Variants in POLR2G observed in about 807,000 individuals in gnomAD.
POLR2G encodes RNA polymerase II subunit G, also known as DNA-directed RNA polymerase II subunit RPB7.
POLR2G carries 19 observed loss-of-function variants against 25.7 expected under a neutral mutation model. The ratio of observed to expected loss-of-function variants is 0.74; its 90% confidence interval spans 0.52 to 1.08. The LOEUF (loss-of-function observed/expected upper bound fraction) is 1.08. Ranked by LOEUF, POLR2G falls within the 50% of genes least tolerant of loss-of-function variation. The pLI is 0.00. For missense variants in POLR2G, 123 were observed against 218.5 expected (o/e 0.56, Z 2.76); for synonymous variants, 79 against 76.0 (o/e 1.04, Z -0.21).
chr11:62,766,333 T>C, intron 7 of POLR2G, 57 bp downstream of exon 7: 1 of 1,552,096 alleles, frequency 6.4e-7, no homozygotes, highest in South Asian at 1.1e-5. Context: ...TGTGTGGGGG[T>C]GGGGAGTAAT....
At chr11:62,766,041 C>T (rs1329979859) in intron 6 of POLR2G, among the ~76,000 whole-genome samples, 1 of 152,166 alleles carries the variant, frequency 6.6e-6, no homozygotes, top group Non-Finnish European at 1.5e-5. Flanking sequence ...CCCGACTCGG[C>T]CTCCCAAAGT....
intron 3 of POLR2G, 81 bp from the exon 4 acceptor site, chr11:62,765,101 C>A (rs1296758231): frequency 8.3e-7 from 1 of 1,201,098 alleles, no homozygotes; most frequent in East Asian, 2.4e-5. Context: ...TCGTGATCCA[C>A]CGGCCTCGGC....
chr11:62,766,688 G>T lies in POLR2G; in HGVS notation c.*181G>T. The T allele has an allele frequency of 1.7e-6, 1 of 581,792 alleles. No homozygotes were observed. The highest frequency in any genetic ancestry group is 2.9e-5 in the East Asian group (1 of 34,196). The allele number at this position is 581,792 out of a possible 1,614,324, so 36.0% of individuals were successfully genotyped here. ...CCTCATTTTTCAGTATGTGTTCTAA[G>T]TATAAAAAGTCCTTGGTTCTCATGG... On this transcript the variant is annotated 3_prime_UTR_variant, in exon 8 of 8. Transcript: ENST00000301788.
intron 3 of POLR2G, among the ~76,000 whole-genome samples, chr11:62,763,771 T>C (rs1590928282): frequency 7.1e-6 from 1 of 140,836 alleles, no homozygotes; most frequent in South Asian, 2.3e-4. Context: ...TGAGACGGAG[T>C]CTAGCTCTGT....
rs570529425 is a variant in POLR2G at position 62,765,377 on chromosome 11, A to G, written c.371A>G (p.Asn124Ser). 30 of 1,613,136 alleles carry G rather than the reference A, an allele frequency of 1.9e-5. No individual in the cohort carries two copies. The highest frequency in any genetic ancestry group is 1.6e-4 in the East Asian group (7 of 44,854). The change falls in exon 5 of 8, where the codon AAC becomes AGC. Residue 124 changes from asparagine (N) to serine (S), a missense_variant. Asn to Ser is a conservative substitution (Grantham distance 46). Coordinates refer to ENST00000301788, the MANE Select transcript of POLR2G (RefSeq NM_002696.3). ...PSEMEFDPNS[N>S]PPCYKTMDED... is the part of the protein sequence containing the mutation. ...GAGATGGAGTTTGATCCTAACTCCAACCCACCATGTTACAAGACAATGGAT... is the reference window on the plus strand; with the variant it reads ...GAGATGGAGTTTGATCCTAACTCCAGCCCACCATGTTACAAGACAATGGAT...
At chr11:62,762,301 C>T in intron 2 of POLR2G, 1 of 267,400 alleles carries the variant, frequency 3.7e-6, no homozygotes, top group Non-Finnish European at 7.6e-6. Flanking sequence ...CCCCTGTGCC[C>T]AGGGACCACA....
rs772902844 is a variant in POLR2G at position 62,761,611 on chromosome 11, G to A, written c.-38G>A. 6.3e-6 allele frequency: 10 copies of A among 1,591,406 alleles called. No individual in the cohort carries two copies. The highest frequency in any genetic ancestry group is 6.8e-6 in the Non-Finnish European group (8 of 1,168,190). ...TTCCGGTGGATTCCCAGGGACTGTC[G>A]GAGGTGTGGACTCTGCCTGCCTACC... is the stretch of plus-strand genomic sequence containing the variant. On this transcript the variant is annotated 5_prime_UTR_variant, in exon 1 of 8. Transcript: ENST00000301788.
At chr11:62,762,103 C>G in intron 2 of POLR2G, 199 bp downstream of exon 2, 1 of 588,434 alleles carries the variant, frequency 1.7e-6, no homozygotes, top group Non-Finnish European at 3.0e-6. Context: ...CTTCTCTCAG[C>G]TGAGATGGGT....
At position 62,761,581 on chromosome 11, in the gene POLR2G, A is replaced by C; in HGVS notation, c.-68A>C. The C allele has an allele frequency of 6.6e-7, 1 of 1,506,150 alleles. No homozygotes were observed. Among genetic ancestry groups the C allele is most frequent in the Non-Finnish European group, 9.0e-7 (1 of 1,116,570 alleles). The allele number at this position is 1,506,150 out of a possible 1,614,324, so 93.3% of individuals were successfully genotyped here. A position where few individuals can be genotyped will look rare whatever the true frequency, so the allele number is the denominator to read the frequency against. On this transcript the variant is annotated 5_prime_UTR_variant, in exon 1 of 8. Coordinates refer to ENST00000301788, the MANE Select transcript of POLR2G (RefSeq NM_002696.3). ...CGCGGAACTGGGGTTGCGGCGTCTA[A>C]GTGTTTCCGGTGGATTCCCAGGGAC...
Position 62,762,780 on chromosome 11 carries a change from C to T in POLR2G, c.123-87C>T, listed in dbSNP as rs2084094990. 3.7e-6 allele frequency: 4 copies of T among 1,094,258 alleles called. No homozygotes were observed. In the South Asian group the frequency reaches 4.4e-5, roughly 12 times the overall value. 67.8% of individuals were successfully genotyped at this position (1,094,258 alleles called of 1,614,324 possible). A position where few individuals can be genotyped will look rare whatever the true frequency, so the allele number is the denominator to read the frequency against. On this transcript the variant is annotated intron_variant, in intron 2 of 7. Coordinates refer to ENST00000301788, the MANE Select transcript of POLR2G (RefSeq NM_002696.3). ...TGTCCTTTTGCTCTCCCCGACCCTACCCCCAAGAGCTCAGCGACTTTTATT... is the reference window on the plus strand; with the variant it reads ...TGTCCTTTTGCTCTCCCCGACCCTATCCCCAAGAGCTCAGCGACTTTTATT...
intron 2 of POLR2G, chr11:62,762,428 C>G (rs922374112): frequency 3.3e-6 from 1 of 307,134 alleles, no homozygotes; most frequent in African/African-American, 2.2e-5. Context: ...ACAGAGGGGC[C>G]TCTCTGATAT....
At chr11:62,765,151 A>T in intron 3 of POLR2G, 31 bp from the exon 4 acceptor site, 1 of 1,420,044 alleles carries the variant, frequency 7.0e-7, no homozygotes, top group African/African-American at 1.4e-5. Flanking sequence ...GCCACCGTGC[A>T]CGGCCGTAAG....
At chr11:62,762,784 C>A (rs74738993) in intron 2 of POLR2G, 83 bp from the exon 3 acceptor site, 1 of 1,179,982 alleles carries the variant, frequency 8.5e-7, no homozygotes, top group Admixed American at 2.0e-5. Context: ...ACCCTACCCC[C>A]AAGAGCTCAG....
chr11:62,762,054 TC>T, intron 2 of POLR2G, 150 bp downstream of exon 2: 1 of 622,992 alleles, frequency 1.6e-6, no homozygotes, highest in Non-Finnish European at 2.9e-6. Context: ...TGCTTTGGGT[TC>T]CCAGGGCGCC....
chr11:62,766,569 T>C lies in POLR2G; in HGVS notation c.*62T>C, dbSNP rs1242100801. 3 of 1,514,696 alleles carry C rather than the reference T, an allele frequency of 2.0e-6. No individual in the cohort carries two copies. The African/African-American group carries it at 4.1e-5, about 21-fold the overall frequency. The allele number at this position is 1,514,696 out of a possible 1,614,324, so 93.8% of individuals were successfully genotyped here. ...AGTGTGATTGTCACACTTATCATGTTGTCCAGAGGTCCAGTCTGGCTGCTG... is the reference window on the plus strand; with the variant it reads ...AGTGTGATTGTCACACTTATCATGTCGTCCAGAGGTCCAGTCTGGCTGCTG... On this transcript the variant is annotated 3_prime_UTR_variant, in exon 8 of 8. Transcript: ENST00000301788.
At chr11:62,763,185 T>G (rs186806237) in intron 3 of POLR2G, among the ~76,000 whole-genome samples, 159 bp downstream of exon 3, 315 of 146,742 alleles carry the variant, frequency 2.1e-3, no homozygotes, top group African/African-American at 7.2e-3. Context: ...CAGGCTGGAG[T>G]GCAGTGGTGC....
chr11:62,765,281 A>C, intron 4 of POLR2G, 49 bp downstream of exon 4: 1 of 1,605,238 alleles, frequency 6.2e-7, no homozygotes, highest in Non-Finnish European at 8.5e-7. Flanking sequence ...ATACTCATTC[A>C]TCACCATCTA....
intron 2 of POLR2G, chr11:62,762,332 C>T (rs1410378399): frequency 6.2e-5 from 17 of 274,576 alleles, no homozygotes; most frequent in Admixed American, 4.9e-4. Flanking sequence ...CTCTATATAT[C>T]TTCTGAATGA....
In POLR2G at chr11:62,763,139, T is replaced by A. The variant is rs567500652; in HGVS notation, c.282+113T>A. On this transcript the variant is annotated intron_variant, in intron 3 of 7. Coordinates refer to ENST00000301788, the MANE Select transcript of POLR2G (RefSeq NM_002696.3). ...GGCTAAGTCACTTCACTTTTTTTTT[T>A]TTTTTTTTTTTTTGAGAGAGTTTTG... 2.4e-4 allele frequency: 141 copies of A among 591,286 alleles called. 1 individual carries two copies. In the African/African-American group the frequency reaches 2.4e-3, roughly 10 times the overall value. 36.6% of individuals were successfully genotyped at this position (591,286 alleles called of 1,614,324 possible).
Sources: allele counts gnomAD v4.1 joint callset (sites outside exome capture counted in the v4.1 genomes callset), GRCh38; gene constraint gnomAD v4.1.1; transcripts MANE v1.5; gene names NCBI Gene and HGNC (gene_info 2026-07-23, HGNC 2026-07-21).